ZNF609: variants seen among roughly 807,000 people sequenced by gnomAD.
ZNF609 encodes the protein zinc finger protein 609.
Under a neutral mutation model 109.5 loss-of-function variants are expected in ZNF609, and 11 were observed. The observed-to-expected ratio is 0.10, with a 90% CI of 0.06 to 0.17. The LOEUF is 0.17. Among genes scored for constraint, ZNF609 ranks in the 10% least tolerant of loss-of-function variants. The pLI, the probability that ZNF609 is intolerant of heterozygous loss-of-function variation, is 1.00. For synonymous variants in ZNF609, 646 were observed against 662.0 expected (o/e 0.98, Z 0.37); for missense variants, 1,559 against 1,772.4 (o/e 0.88, Z 2.16).
chr15:64,477,640 T>C (rs1236511030), intron 1 of ZNF609, among the ~76,000 whole-genome samples: 49 of 148,674 alleles, frequency 3.3e-4, no homozygotes, highest in African/African-American at 1.3e-3. Context: ...TTTTTTTTCT[T>C]TTTTTTGAAA....
chr15:64,656,177 C>A (rs1432788902), intron 3 of ZNF609, among the ~76,000 whole-genome samples: 1 of 152,076 alleles, frequency 6.6e-6, no homozygotes. Flanking sequence ...AATTCTCTTG[C>A]CTCAGTCTCC....
chr15:64,621,008 T>C (rs1895867369), intron 2 of ZNF609, among the ~76,000 whole-genome samples: 1 of 152,216 alleles, frequency 6.6e-6, no homozygotes, highest in Admixed American at 6.5e-5. Context: ...TGAATGTCTC[T>C]ATTAAAGGAC....
chr15:64,504,825 T>G (rs768761224), intron 2 of ZNF609, among the ~76,000 whole-genome samples: 1 of 152,092 alleles, frequency 6.6e-6, no homozygotes, highest in South Asian at 2.1e-4. Context: ...TTGCCAATGC[T>G]GATCTTGAAC....
intron 2 of ZNF609, among the ~76,000 whole-genome samples, chr15:64,564,870 C>T (rs866310962): frequency 2.2e-4 from 32 of 148,032 alleles, no homozygotes; most frequent in South Asian, 1.7e-3. Context: ...TTTTTAGAAA[C>T]GGAGTCTCGC....
chr15:64,632,935 A>G (rs748709282), intron 3 of ZNF609, among the ~76,000 whole-genome samples: 3 of 150,632 alleles, frequency 2.0e-5, no homozygotes, highest in Admixed American at 6.6e-5. Flanking sequence ...ACCATGCCCA[A>G]CTAATTTTTT....
chr15:64,471,781 C>T (rs1317442784), intron 1 of ZNF609, among the ~76,000 whole-genome samples: 1 of 152,072 alleles, frequency 6.6e-6, no homozygotes, highest in Admixed American at 6.6e-5. Context: ...TGGGGTTTCT[C>T]CATGTTGGTC....
chr15:64,681,244 CAG>C, intron 8 of ZNF609, 63 bp from the exon 9 acceptor site: 1 of 1,498,982 alleles, frequency 6.7e-7, no homozygotes, highest in East Asian at 2.3e-5. Context: ...CCCCAAAACT[CAG>C]GGAAAAAGAT....
intron 2 of ZNF609, among the ~76,000 whole-genome samples, chr15:64,534,644 T>C (rs1595710160): frequency 6.6e-6 from 1 of 151,922 alleles, no homozygotes; most frequent in South Asian, 2.1e-4. Flanking sequence ...ATACCCACTT[T>C]CCCTGCACAT....
At chr15:64,537,454 A>T (rs910555501) in intron 2 of ZNF609, among the ~76,000 whole-genome samples, 3 of 151,348 alleles carry the variant, frequency 2.0e-5, no homozygotes, top group African/African-American at 7.3e-5. Context: ...TGAGCCGGGG[A>T]TCATGCCATT....
chr15:64,579,697 AAAAC>A (rs1161836469), intron 2 of ZNF609, among the ~76,000 whole-genome samples: 1 of 89,644 alleles, frequency 1.1e-5, no homozygotes, highest in African/African-American at 2.8e-5. Context: ...GCGACACAGG[AAAAC>A]AAACAAACAA....
At chr15:64,585,912 C>A (rs1164794406) in intron 2 of ZNF609, among the ~76,000 whole-genome samples, 1 of 152,198 alleles carries the variant, frequency 6.6e-6, no homozygotes, top group Non-Finnish European at 1.5e-5. Flanking sequence ...GTGGCATGAT[C>A]ATGGCTCATT....
chr15:64,510,329 C>T (rs1893705692), intron 2 of ZNF609, among the ~76,000 whole-genome samples: 1 of 151,812 alleles, frequency 6.6e-6, no homozygotes, highest in South Asian at 2.1e-4. Flanking sequence ...CTCAGCCTCC[C>T]GAGTAGCAGG....
intron 3 of ZNF609, among the ~76,000 whole-genome samples, chr15:64,668,971 A>G (rs962044772): frequency 6.0e-5 from 9 of 151,218 alleles, no homozygotes; most frequent in Admixed American, 1.3e-4. Context: ...AAAAAAAAAA[A>G]AAAAAAGGAA....
intron 4 of ZNF609, among the ~76,000 whole-genome samples, chr15:64,670,866 C>T (rs1371945714): frequency 1.7e-5 from 2 of 115,918 alleles, no homozygotes; most frequent in Middle Eastern, 6.4e-3. Context: ...CAACAAAAAG[C>T]GAAACTCCAT....
Position 64,499,721 on chromosome 15 carries a change from A to C in ZNF609, c.302A>C (p.Lys101Thr), listed in dbSNP as rs148661566. The C allele has an allele frequency of 1.1e-4, 178 of 1,614,082 alleles. No individual in the cohort carries two copies. In the African/African-American group the frequency reaches 2.1e-3, roughly 19 times the overall value. The part of the protein sequence containing the change: ...KRSKSGKDTS[K>T]PTPGTSLFTP... The stretch of plus-strand genomic sequence containing the variant: ...AGTAAGAGTGGCAAAGACACTAGCA[A>C]ACCCACTCCAGGGACTTCCCTGTTC... Residue 101 changes from lysine to threonine, a missense_variant, in exon 2 of 10, where the codon AAA becomes ACA. By Grantham distance (78) the Lys-to-Thr change is moderately conservative. This residue lies in a region of ZNF609 where 291 missense variants were observed against 317.8 expected (regional missense o/e 0.92). Coordinates refer to ENST00000326648, the MANE Select transcript of ZNF609 (RefSeq NM_015042.2).
intron 4 of ZNF609, among the ~76,000 whole-genome samples, chr15:64,670,736 G>A (rs2141011646): frequency 6.6e-6 from 1 of 151,986 alleles, no homozygotes; most frequent in East Asian, 1.9e-4. Context: ...AAATTAGCCA[G>A]GCATGGTGGT....
At chr15:64,524,489 G>A (rs200858084) in intron 2 of ZNF609, among the ~76,000 whole-genome samples, 4 of 151,804 alleles carry the variant, frequency 2.6e-5, no homozygotes, top group Non-Finnish European at 4.4e-5. Flanking sequence ...GCTTGAACCC[G>A]GGAGGTGGAG....
intron 3 of ZNF609, among the ~76,000 whole-genome samples, chr15:64,668,969 A>T: frequency 6.6e-6 from 1 of 151,198 alleles, no homozygotes; most frequent in African/African-American, 2.4e-5. Context: ...AAAAAAAAAA[A>T]AAAAAAAAGG....
intron 2 of ZNF609, chr15:64,529,178 G>A: frequency 1.4e-6 from 1 of 737,088 alleles, no homozygotes; most frequent in Non-Finnish European, 2.5e-6. Context: ...AAGTTGTCAT[G>A]GATGACCTTG....
Sources: gnomAD v4.1 joint callset for allele counts (sites outside exome capture counted in the v4.1 genomes callset) on GRCh38, gnomAD v4.1.1 for gene constraint, gnomAD v4.1.1 regional missense constraint, MANE v1.5 for transcripts, NCBI Gene and HGNC (gene_info 2026-07-23, HGNC 2026-07-21) for gene names.